The following ACAN variants were observed in gnomAD, a reference collection of about 807,000 sequenced individuals.
ACAN encodes the protein aggrecan, also known as aggrecan core protein.
In ACAN, 47 loss-of-function variants were observed where a neutral mutation model predicts 169.1. The ratio of observed to expected loss-of-function variants is 0.28; its 90% CI spans 0.22 to 0.35. The LOEUF (loss-of-function observed/expected upper bound fraction) is 0.35. ACAN is among the 10% of genes least tolerant of loss of function. The probability of loss-of-function intolerance (pLI) is 1.00; values close to 1 mark genes in which losing one functional copy is unlikely to be tolerated. For missense variants in ACAN, 2,716 were observed against 2,759.9 expected (o/e 0.98, Z 0.36); for synonymous variants, 1,115 against 1,112.2 (o/e 1.00, Z -0.05).
rs1376423394 is a variant in ACAN, at chr15:88,843,940, T to C, written c.1051+292T>C. 6.6e-6 allele frequency among the ~76,000 whole-genome samples: 1 copy of C among 152,138 alleles called. No individual in the cohort carries two copies. Among genetic ancestry groups the C allele is most frequent in the African/African-American group, 2.4e-5 (1 of 41,436 alleles). On this transcript the variant is annotated intron_variant, in intron 6 of 18. Transcript: ENST00000560601. The surrounding 1 kb of genome is among the most constrained non-coding windows in gnomAD (Gnocchi z 4.0). ...TTTGAATCAAAGCTCTGTCACCTAC[T>C]ACTGTGCAACCCTGGCAAAGTCAAG...
chr15:88,847,851 C>T (rs1896833015), intron 8 of ACAN, 60 bp from the exon 9 acceptor site: 1 of 1,585,702 alleles, frequency 6.3e-7, no homozygotes, highest in Admixed American at 1.7e-5. Flanking sequence ...CAGCCCAGGG[C>T]CGTGCATCTA....
At position 88,838,063 on chromosome 15, in the gene ACAN, G is replaced by A. The variant is rs376981867; in HGVS notation, c.71-600G>A. 4.0e-5 allele frequency among the ~76,000 whole-genome samples: 6 copies of A among 151,654 alleles called. No individual in the cohort carries two copies. In the East Asian group the frequency reaches 9.8e-4, roughly 25 times the overall value. ...CCCATCGCCTCTCCTGCATCTGACT[G>A]TTTGCACACCAAAAGGTCTGATCTT... is the stretch of plus-strand genomic sequence containing the variant. On this transcript the variant is annotated intron_variant, in intron 2 of 18. Coordinates refer to ENST00000560601, the MANE Select transcript of ACAN (RefSeq NM_001369268.1). This position sits in a 1 kb window ranked among gnomAD's most constrained non-coding sequence, Gnocchi z 5.1.
At chr15:88,841,978 G>C (rs1041495168) in intron 5 of ACAN, 111 bp downstream of exon 5, 6 of 1,412,222 alleles carry the variant, frequency 4.2e-6, no homozygotes, top group Non-Finnish European at 2.0e-6. Flanking sequence ...CTCAGGGCCT[G>C]ACACACTCTG....
Position 88,843,568 on chromosome 15 carries a change from G to A in ACAN, c.971G>A (p.Gly324Asp). ...CCCAACTGCGGTGGCAACCTCCTGGGCGTGAGGACCGTCTACGTGCATGCC... is the reference window on the plus strand; with the variant it reads ...CCCAACTGCGGTGGCAACCTCCTGGACGTGAGGACCGTCTACGTGCATGCC... ...ARPNCGGNLL[G>D]VRTVYVHANQ... Residue 324 changes from glycine to aspartate, a missense_variant, in exon 6 of 19, where the codon GGC (glycine) becomes GAC (aspartate). Coordinates refer to ENST00000560601, the MANE Select transcript of ACAN (RefSeq NM_001369268.1). This position sits in a 1 kb window ranked among gnomAD's most constrained non-coding sequence, Gnocchi z 4.0. 1 of 1,612,478 alleles carries A rather than the reference G, an allele frequency of 6.2e-7. No homozygotes were observed. Among genetic ancestry groups the A allele is most frequent in the South Asian group, 1.1e-5 (1 of 91,032 alleles).
In ACAN at chr15:88,839,155, A is replaced by G; in HGVS notation, c.454+109A>G. 2 of 1,410,448 alleles carry G rather than the reference A, an allele frequency of 1.4e-6. No individual in the cohort carries two copies. The highest frequency in any genetic ancestry group is 4.6e-5 in the East Asian group (2 of 43,594). 87.4% of individuals were successfully genotyped at this position (1,410,448 alleles called of 1,614,324 possible). ...GGCCTTCAAACCAGCTCCTCCACGC[A>G]CCTCAGCCAAGTTACTTAACTTCAG... is the stretch of plus-strand genomic sequence containing the variant. On this transcript the variant is annotated intron_variant, in intron 3 of 18. Transcript: ENST00000560601. The surrounding 1 kb of genome is among the most constrained non-coding windows in gnomAD (Gnocchi z 4.5).
At chr15:88,844,199 A>G (rs1200560500) in intron 6 of ACAN, among the ~76,000 whole-genome samples, 5 of 151,804 alleles carry the variant, frequency 3.3e-5, no homozygotes, top group African/African-American at 9.7e-5. Context: ...CAGTGGTGTA[A>G]TCATAGCTTA....
rs985871590 is a variant in ACAN at position 88,807,427 on chromosome 15, T to C, written c.-8+3618T>C. Among the ~76,000 whole-genome samples the C allele has an allele frequency of 6.6e-6, 1 of 152,148 alleles. No individual in the cohort carries two copies. Among genetic ancestry groups the C allele is most frequent in the African/African-American group, 2.4e-5 (1 of 41,440 alleles). ...GCCCTGATAACTTAAAGGAAGCCCC[T>C]TCAATGGGATGAAGGGCCCGTTTCT... On this transcript the variant is annotated intron_variant, in intron 1 of 18. Transcript: ENST00000560601. This position sits in a 1 kb window ranked among gnomAD's most constrained non-coding sequence, Gnocchi z 4.0.
rs149473651 is a variant in ACAN, at chr15:88,841,994, C to T, written c.757+127C>T. On this transcript the variant is annotated intron_variant, in intron 5 of 18. Coordinates refer to ENST00000560601, the MANE Select transcript of ACAN (RefSeq NM_001369268.1). Reference sequence around the variant, plus strand: ...TCAGGGCCTGACACACTCTGTCCTCCTCTGCCATGAAGGGAGGTGGGCTGA... The same window carrying T: ...TCAGGGCCTGACACACTCTGTCCTCTTCTGCCATGAAGGGAGGTGGGCTGA... 20,671 of 1,305,358 alleles carry T rather than the reference C, an allele frequency of 0.016. 194 individuals carry two copies. The highest frequency in any genetic ancestry group is 0.02 in the Non-Finnish European group (18,941 of 938,644). The allele number at this position is 1,305,358 out of a possible 1,614,324, so 80.9% of individuals were successfully genotyped here.
chr15:88,830,954 TAC>T (rs1291415695), intron 1 of ACAN, among the ~76,000 whole-genome samples: 5 of 152,184 alleles, frequency 3.3e-5, no homozygotes, highest in Non-Finnish European at 7.3e-5. Context: ...TCATCGTAGG[TAC>T]AGTTTGTTGT....
intron 1 of ACAN, among the ~76,000 whole-genome samples, chr15:88,825,778 A>C (rs749989615): frequency 5.4e-5 from 5 of 92,928 alleles, no homozygotes; most frequent in South Asian, 2.9e-4. Flanking sequence ...CCTAAACCCC[A>C]GCCTGCTCCT....
In ACAN at chr15:88,847,260, C is replaced by T. The variant is rs780424423; in HGVS notation, c.1447C>T (p.Arg483Cys). The T allele has an allele frequency of 5.5e-5, 86 of 1,554,436 alleles. No individual in the cohort carries two copies. The highest frequency in any genetic ancestry group is 6.7e-5 in the Non-Finnish European group (77 of 1,149,440). Reference sequence around the variant, plus strand: ...CCACCCAGGGGTCGTCTTCCACTACCGCCCGGGACCCACCCGCTACTCGCT... The same window carrying T: ...CCACCCAGGGGTCGTCTTCCACTACTGCCCGGGACCCACCCGCTACTCGCT... ...HLPGGVVFHY[R>C]PGPTRYSLTF... is the part of the protein sequence containing the mutation. Residue 483 changes from arginine to cysteine, a missense_variant, in exon 8 of 19, where the codon CGC becomes TGC. Arg to Cys is a radical substitution (Grantham distance 180, BLOSUM62 -3). Transcript: ENST00000560601.
In ACAN at chr15:88,839,097, G is replaced by C; in HGVS notation, c.454+51G>C. 1 of 1,585,110 alleles carries C rather than the reference G, an allele frequency of 6.3e-7. No individual in the cohort carries two copies. Among genetic ancestry groups the C allele is most frequent in the Non-Finnish European group, 8.5e-7 (1 of 1,172,472 alleles). ...GCTGCTTCACCCACATAAAGAACCA[G>C]AGCAGTCTCCGCAGTGCAGGCGCAG... On this transcript the variant is annotated intron_variant, in intron 3 of 18. Transcript: ENST00000560601. The surrounding 1 kb of genome is among the most constrained non-coding windows in gnomAD (Gnocchi z 4.5).
In ACAN at chr15:88,838,646, C is replaced by G. The variant is rs761022195; in HGVS notation, c.71-17C>G. Reference sequence around the variant, plus strand: ...GGCACTAACAGGTCTCTCTTCTACCCCACCTCTCCCACACAGACCATGACA... The same window carrying G: ...GGCACTAACAGGTCTCTCTTCTACCGCACCTCTCCCACACAGACCATGACA... On this transcript the variant is annotated splice_polypyrimidine_tract_variant and intron_variant, in intron 2 of 18. Transcript: ENST00000560601. This position sits in a 1 kb window ranked among gnomAD's most constrained non-coding sequence, Gnocchi z 5.1. 1 of 1,559,942 alleles carries G rather than the reference C, an allele frequency of 6.4e-7. No homozygotes were observed. Among genetic ancestry groups the G allele is most frequent in the South Asian group, 1.2e-5 (1 of 81,180 alleles).
chr15:88,866,350 C>A lies in ACAN; in HGVS notation c.6947-1866C>A, dbSNP rs1419454550. ...ATTCCCCTTGCCCAGTGCTTCCCAT[C>A]TCCCATAATGACGCTAATGGATAAA... On this transcript the variant is annotated intron_variant, in intron 13 of 18. Transcript: ENST00000560601. The surrounding 1 kb of genome is among the most constrained non-coding windows in gnomAD (Gnocchi z 5.6). 6.6e-6 allele frequency among the ~76,000 whole-genome samples: 1 copy of A among 152,182 alleles called. No homozygotes were observed. Among genetic ancestry groups the A allele is most frequent in the South Asian group, 2.1e-4 (1 of 4,834 alleles).
At chr15:88,841,410 T>C (rs1380295878) in intron 4 of ACAN, among the ~76,000 whole-genome samples, 1 of 152,206 alleles carries the variant, frequency 6.6e-6, no homozygotes, top group Non-Finnish European at 1.5e-5. Context: ...TGCATATCTG[T>C]GGGTGCTTCA....
In ACAN at chr15:88,868,752, C is replaced by T. The variant is rs537923403; in HGVS notation, c.7060+423C>T. Among the ~76,000 whole-genome samples, 6 of 152,342 alleles carry T rather than the reference C, an allele frequency of 3.9e-5. No individual in the cohort carries two copies. Among genetic ancestry groups the T allele is most frequent in the Non-Finnish European group, 8.8e-5 (6 of 68,042 alleles). The stretch of plus-strand genomic sequence containing the variant: ...GGACCTTTGTGGTTCCTTCATGGCC[C>T]TGGGAGCCACTGTGCCACATTGGCC... On this transcript the variant is annotated intron_variant, in intron 14 of 18. Coordinates refer to ENST00000560601, the MANE Select transcript of ACAN (RefSeq NM_001369268.1). The surrounding 1 kb of genome is among the most constrained non-coding windows in gnomAD (Gnocchi z 5.2).
chr15:88,869,167 C>G lies in ACAN; in HGVS notation c.7060+838C>G, dbSNP rs1378314131. On this transcript the variant is annotated intron_variant, in intron 14 of 18. Transcript: ENST00000560601. The surrounding 1 kb of genome is among the most constrained non-coding windows in gnomAD (Gnocchi z 4.2). Reference sequence around the variant, plus strand: ...GTCTCCCCACCAGCCGCCTGGATCTCGGGGATTTCCCAGCTCAGAAAAGGG... The same window carrying G: ...GTCTCCCCACCAGCCGCCTGGATCTGGGGGATTTCCCAGCTCAGAAAAGGG... Among the ~76,000 whole-genome samples the G allele has an allele frequency of 6.6e-6, 1 of 152,170 alleles. No homozygotes were observed. The highest frequency in any genetic ancestry group is 1.5e-5 in the Non-Finnish European group (1 of 68,034).
chr15:88,850,315 C>T (rs1272039224), intron 10 of ACAN: 2 of 169,838 alleles, frequency 1.2e-5, no homozygotes, highest in South Asian at 1.6e-4. Flanking sequence ...TCAAGTTTTT[C>T]GTTGACCTAT....
rs762106035 is a variant in ACAN at position 88,849,635 on chromosome 15, G to A, written c.1930G>A (p.Gly644Ser). 38 of 1,612,850 alleles carry A rather than the reference G, an allele frequency of 2.4e-5. No homozygotes were observed. The East Asian group carries it at 3.1e-4, about 13-fold the overall frequency. Residue 644 changes from glycine to serine, a missense_variant, in exon 10 of 19, where the codon GGT (glycine) becomes AGT (serine). By Grantham distance (56) the Gly-to-Ser change is moderately conservative. Around this residue, in one of 3 missense-constraint regions of ACAN, gnomAD observed 1,283 missense variants for 1,281.5 expected, o/e 1.00. Coordinates refer to ENST00000560601, the MANE Select transcript of ACAN (RefSeq NM_001369268.1). This position sits in a 1 kb window ranked among gnomAD's most constrained non-coding sequence, Gnocchi z 5.1. Reference protein sequence around the residue: ...YPIVTPRPACGGDKPGVRTVY... With the variant: ...YPIVTPRPACSGDKPGVRTVY... ...CATCGTCACCCCAAGGCCTGCCTGC[G>A]GTGGGGACAAGCCAGGCGTGAGAAC...
Sources: gnomAD v4.1 joint callset for allele counts (sites outside exome capture counted in the v4.1 genomes callset) on GRCh38, gnomAD v4.1.1 for gene constraint, gnomAD v4.1.1 regional missense constraint, Gnocchi (gnomAD v3.1) non-coding constraint, MANE v1.5 for transcripts, NCBI Gene and HGNC (gene_info 2026-07-23, HGNC 2026-07-21) for gene names.